MED27: variants seen among roughly 807,000 people sequenced by gnomAD.
MED27 encodes the protein mediator of RNA polymerase II transcription subunit 27.
Under a neutral mutation model 38.2 loss-of-function variants are expected in MED27, and 30 were observed. The ratio of observed to expected loss-of-function variants is 0.79; its 90% CI spans 0.59 to 1.07. The LOEUF is 1.07. MED27 is among the 50% of genes least tolerant of loss of function. MED27 has a pLI of 0.00. For synonymous variants in MED27, 122 were observed against 153.5 expected (o/e 0.79, Z 1.52); for missense variants, 289 against 397.5 (o/e 0.73, Z 2.32).
At chr9:131,936,101 C>A (rs1286092780) in intron 4 of MED27, among the ~76,000 whole-genome samples, 2 of 150,080 alleles carry the variant, frequency 1.3e-5, no homozygotes, top group Non-Finnish European at 3.0e-5. Context: ...CCACTGCACT[C>A]CAGCCTGGGT....
At chr9:131,920,002 G>C in intron 4 of MED27, among the ~76,000 whole-genome samples, 1 of 151,988 alleles carries the variant, frequency 6.6e-6, no homozygotes, top group South Asian at 2.1e-4. Flanking sequence ...GTAGAGATGG[G>C]GTTTTTCCAT....
intron 3 of MED27, among the ~76,000 whole-genome samples, chr9:131,988,419 C>T (rs1357650609): frequency 2.0e-5 from 3 of 152,194 alleles, no homozygotes; most frequent in Non-Finnish European, 4.4e-5. Context: ...CCTCTGCTAC[C>T]CCACAGGCAG....
In MED27 at chr9:131,934,976, G is replaced by A. The variant is rs948387625; in HGVS notation, c.573+4405C>T. ...AGCCAGGCACAGAAAGATAAACTTC[G>A]TTATGTTCTCATCTATTTGTGGGAG... On this transcript the variant is annotated intron_variant, in intron 4 of 7. Transcript: ENST00000292035. Among the ~76,000 whole-genome samples the A allele has an allele frequency of 4.6e-5, 7 of 152,166 alleles. No individual in the cohort carries two copies. The South Asian group carries it at 8.3e-4, about 18-fold the overall frequency.
intron 4 of MED27, among the ~76,000 whole-genome samples, chr9:131,931,896 T>C (rs971647101): frequency 4.6e-5 from 7 of 151,930 alleles, no homozygotes; most frequent in Non-Finnish European, 7.4e-5. Flanking sequence ...CAGGCCACAA[T>C]ACAATAATTT....
intron 3 of MED27, among the ~76,000 whole-genome samples, chr9:131,943,041 C>T (rs1035632966): frequency 1.3e-5 from 2 of 152,132 alleles, no homozygotes; most frequent in African/African-American, 4.8e-5. Context: ...AACCCGTGAC[C>T]TCAGACAAAG....
chr9:131,978,915 A>G (rs1370937491), intron 3 of MED27, among the ~76,000 whole-genome samples: 5 of 152,216 alleles, frequency 3.3e-5, no homozygotes, highest in African/African-American at 1.2e-4. Context: ...ATATGGCTAG[A>G]TCATCCCTAC....
intron 3 of MED27, among the ~76,000 whole-genome samples, chr9:132,005,456 T>G (rs941688146): frequency 1.3e-5 from 2 of 152,090 alleles, no homozygotes; most frequent in African/African-American, 2.4e-5. Context: ...CCACGAAGGG[T>G]TTCTTTCTGT....
chr9:132,079,528 A>G, intron 1 of MED27, 114 bp downstream of exon 1: 1 of 945,630 alleles, frequency 1.1e-6, no homozygotes, highest in Non-Finnish European at 1.7e-6. Context: ...GAAGAGAAAG[A>G]ACAGGGATCA....
chr9:131,940,266 G>C (rs1830762959), intron 3 of MED27, among the ~76,000 whole-genome samples: 1 of 152,006 alleles, frequency 6.6e-6, no homozygotes. Context: ...TCTAATTCAA[G>C]TTATATCACA....
chr9:131,874,684 G>T (rs757622184), intron 6 of MED27, among the ~76,000 whole-genome samples: 1 of 152,176 alleles, frequency 6.6e-6, no homozygotes, highest in African/African-American at 2.4e-5. Flanking sequence ...GGCCCTGTGC[G>T]TAGCTGCGAG....
intron 4 of MED27, 109 bp downstream of exon 4, chr9:131,939,272 T>A: frequency 1.7e-6 from 1 of 575,716 alleles, no homozygotes; most frequent in Non-Finnish European, 2.9e-6. Context: ...CACTATCAAA[T>A]TGGAATTTAA....
intron 6 of MED27, among the ~76,000 whole-genome samples, chr9:131,882,798 C>T (rs534079314): frequency 2.6e-5 from 4 of 152,206 alleles, no homozygotes; most frequent in African/African-American, 7.2e-5. Flanking sequence ...CTGGCCACAG[C>T]CCCCAGTTAA....
At chr9:132,027,658 T>C (rs887050328) in intron 2 of MED27, among the ~76,000 whole-genome samples, 2 of 152,198 alleles carry the variant, frequency 1.3e-5, no homozygotes, top group Non-Finnish European at 2.9e-5. Flanking sequence ...CCAAAACTCA[T>C]GTGGCAGCAA....
At chr9:132,073,283 A>T (rs1367609875) in intron 2 of MED27, 1 of 973,288 alleles carries the variant, frequency 1.0e-6, no homozygotes, top group Non-Finnish European at 1.2e-6. Flanking sequence ...AAATGCCCTC[A>T]CTGTACTTCA....
chr9:131,950,599 C>A (rs1036423177), intron 3 of MED27, among the ~76,000 whole-genome samples: 1 of 152,214 alleles, frequency 6.6e-6, no homozygotes, highest in African/African-American at 2.4e-5. Flanking sequence ...ATCACAATCA[C>A]TGAACGACTT....
At chr9:131,884,195 G>GAA in intron 5 of MED27, 96 bp from the exon 6 acceptor site, 2 of 882,236 alleles carry the variant, frequency 2.3e-6, no homozygotes, top group Non-Finnish European at 1.7e-6. Flanking sequence ...TCTTAAACTT[G>GAA]AAAAAAAAAT....
At chr9:131,865,599 C>T (rs1245917783) in intron 6 of MED27, among the ~76,000 whole-genome samples, 1 of 152,168 alleles carries the variant, frequency 6.6e-6, no homozygotes, top group Non-Finnish European at 1.5e-5. Context: ...GCCGAGGCAG[C>T]TGGGCTGGCT....
intron 4 of MED27, among the ~76,000 whole-genome samples, chr9:131,927,112 T>C (rs1282685260): frequency 6.6e-6 from 1 of 152,240 alleles, no homozygotes; most frequent in Admixed American, 6.5e-5. Context: ...TCAACATAGC[T>C]AGATTTATTT....
At chr9:131,927,067 G>A (rs1437954335) in intron 4 of MED27, among the ~76,000 whole-genome samples, 1 of 152,192 alleles carries the variant, frequency 6.6e-6, no homozygotes, top group Non-Finnish European at 1.5e-5. Flanking sequence ...AATTAATAAT[G>A]GGATGTTAGG....
Sources: gnomAD v4.1 joint callset for allele counts (sites outside exome capture counted in the v4.1 genomes callset) on GRCh38, gnomAD v4.1.1 for gene constraint, MANE v1.5 for transcripts, NCBI Gene and HGNC (gene_info 2026-07-23, HGNC 2026-07-21) for gene names.